ZNF704: variants seen among roughly 807,000 people sequenced by gnomAD.
The protein encoded by ZNF704 is glucocorticoid induced gene 1.
Under a neutral mutation model 44.7 loss-of-function variants are expected in ZNF704, and 10 were observed. The observed-to-expected ratio is 0.22, with a 90% CI of 0.14 to 0.38. ZNF704 has a LOEUF of 0.38. Ranked by LOEUF, ZNF704 falls within the 10% of genes least tolerant of loss-of-function variation. The pLI is 1.00. For missense variants in ZNF704, 390 were observed against 545.5 expected (o/e 0.71, Z 2.84); for synonymous variants, 211 against 207.6 (o/e 1.02, Z -0.14).
intron 2 of ZNF704, among the ~76,000 whole-genome samples, chr8:80,759,503 G>A (rs78498106): frequency 0.014 from 2,080 of 152,172 alleles, 55 homozygotes; most frequent in African/African-American, 0.047. Context: ...CAAAGGTGAC[G>A]ATGTGTCACC....
chr8:80,774,701 C>T (rs976718387), intron 2 of ZNF704, among the ~76,000 whole-genome samples: 4 of 152,162 alleles, frequency 2.6e-5, no homozygotes, highest in South Asian at 2.1e-4. Context: ...GGGTTCCCCA[C>T]GAGGCCTTTG....
chr8:80,689,623 C>T (rs1030439708), intron 3 of ZNF704, among the ~76,000 whole-genome samples: 1 of 152,164 alleles, frequency 6.6e-6, no homozygotes, highest in Non-Finnish European at 1.5e-5. Context: ...CTGTAGTATG[C>T]ATTTGTAAAA....
At chr8:80,644,127 C>G (rs951280159) in intron 7 of ZNF704, among the ~76,000 whole-genome samples, 1 of 152,194 alleles carries the variant, frequency 6.6e-6, no homozygotes, top group African/African-American at 2.4e-5. Context: ...AACGACCCCA[C>G]GCAGTATTAC....
intron 7 of ZNF704, among the ~76,000 whole-genome samples, chr8:80,657,509 A>G (rs1818034284): frequency 6.6e-6 from 1 of 152,126 alleles, no homozygotes; most frequent in African/African-American, 2.4e-5. Context: ...CCTGGGCAAC[A>G]TGGGAAACCC....
At position 80,635,224 on chromosome 8, in the gene ZNF704, T is replaced by C. The variant is rs1470721909; in HGVS notation, c.*6142A>G. 1 of 152,210 alleles carries C rather than the reference T, an allele frequency of 6.6e-6. No individual in the cohort carries two copies. The highest frequency in any genetic ancestry group is 1.5e-5 in the Non-Finnish European group (1 of 68,046). 9.4% of individuals were successfully genotyped at this position (152,210 alleles called of 1,614,324 possible). Reference sequence around the variant, plus strand: ...GGCTTGAAAAAACTGTACAGCATTATGAAATGGTTTTGGCAAAGCTCTGAA... The same window carrying C: ...GGCTTGAAAAAACTGTACAGCATTACGAAATGGTTTTGGCAAAGCTCTGAA... On this transcript the variant is annotated 3_prime_UTR_variant, in exon 9 of 9. Coordinates refer to ENST00000327835, the MANE Select transcript of ZNF704 (RefSeq NM_001033723.3).
intron 2 of ZNF704, among the ~76,000 whole-genome samples, chr8:80,742,607 G>C (rs1176559907): frequency 6.6e-6 from 1 of 152,098 alleles, no homozygotes; most frequent in East Asian, 1.9e-4. Flanking sequence ...TGTTAAGTTT[G>C]TCTCTTCCAG....
At chr8:80,719,798 A>C (rs1350870461) in intron 2 of ZNF704, among the ~76,000 whole-genome samples, 2 of 152,230 alleles carry the variant, frequency 1.3e-5, no homozygotes, top group Non-Finnish European at 2.9e-5. Flanking sequence ...TACTGAGCAC[A>C]AGAGAAATGA....
intron 1 of ZNF704, among the ~76,000 whole-genome samples, chr8:80,833,276 G>C (rs1808499844): frequency 6.6e-6 from 1 of 152,204 alleles, no homozygotes; most frequent in East Asian, 1.9e-4. Context: ...CTTGAACCTG[G>C]GAGGTGGAGG....
intron 2 of ZNF704, among the ~76,000 whole-genome samples, chr8:80,738,774 C>T (rs1484769252): frequency 1.3e-5 from 2 of 152,156 alleles, no homozygotes; most frequent in Non-Finnish European, 2.9e-5. Context: ...CCCCTGAGCA[C>T]CTGGTACACA....
chr8:80,692,896 G>T, intron 3 of ZNF704, 108 bp downstream of exon 3: 1 of 964,918 alleles, frequency 1.0e-6, no homozygotes, highest in Non-Finnish European at 1.6e-6. Context: ...CCTGCTAATG[G>T]GTGAGGGTCA....
At chr8:80,801,764 CT>C (rs1807903457) in intron 2 of ZNF704, among the ~76,000 whole-genome samples, 3 of 151,954 alleles carry the variant, frequency 2.0e-5, no homozygotes. Flanking sequence ...ACTAAAAGAA[CT>C]AGAGAACCAA....
At chr8:80,764,646 G>A (rs1487786199) in intron 2 of ZNF704, among the ~76,000 whole-genome samples, 1 of 152,154 alleles carries the variant, frequency 6.6e-6, no homozygotes, top group Non-Finnish European at 1.5e-5. Context: ...GAGAGTGGTT[G>A]TGGTCTGCAA....
intron 2 of ZNF704, among the ~76,000 whole-genome samples, chr8:80,695,614 C>T (rs1818713133): frequency 6.6e-6 from 1 of 152,102 alleles, no homozygotes; most frequent in Non-Finnish European, 1.5e-5. Context: ...TTTGATTTTC[C>T]ACACCTAAGG....
At position 80,641,493 on chromosome 8, in the gene ZNF704, G is replaced by C. The variant is rs1471698930; in HGVS notation, c.1128-16C>G. On this transcript the variant is annotated splice_polypyrimidine_tract_variant and intron_variant, in intron 8 of 8. Coordinates refer to ENST00000327835, the MANE Select transcript of ZNF704 (RefSeq NM_001033723.3). ...CCTGGGCTTCCTGTAAGACAGACGA[G>C]GAAGGTTAGTTTAGTGGGAGGAATT... is the stretch of plus-strand genomic sequence containing the variant. 4 of 1,581,678 alleles carry C rather than the reference G, an allele frequency of 2.5e-6. No individual in the cohort carries two copies. The highest frequency in any genetic ancestry group is 1.7e-4 in the Middle Eastern group (1 of 5,998).
intron 3 of ZNF704, among the ~76,000 whole-genome samples, chr8:80,690,867 G>A (rs2131635209): frequency 6.6e-6 from 1 of 152,256 alleles, no homozygotes; most frequent in South Asian, 2.1e-4. Context: ...AAATTACCTG[G>A]GTGTGGTGGC....
At chr8:80,679,669 T>C (rs58162015) in intron 4 of ZNF704, among the ~76,000 whole-genome samples, 16,528 of 152,154 alleles carry the variant, frequency 0.11, 3,040 homozygotes, top group African/African-American at 0.38. Context: ...GTCTTCTTCA[T>C]GTAAAGCAAA....
intron 1 of ZNF704, among the ~76,000 whole-genome samples, chr8:80,841,775 T>TA (rs1353234717): frequency 6.6e-6 from 1 of 152,134 alleles, no homozygotes; most frequent in Non-Finnish European, 1.5e-5. Flanking sequence ...TCAATAGGTT[T>TA]AAGTCTCTTT....
At chr8:80,655,906 T>G (rs1460052735) in intron 7 of ZNF704, among the ~76,000 whole-genome samples, 5 of 152,186 alleles carry the variant, frequency 3.3e-5, no homozygotes, top group African/African-American at 1.2e-4. Context: ...GCCTGAAGCC[T>G]CCTAGAACTT....
intron 1 of ZNF704, among the ~76,000 whole-genome samples, chr8:80,853,091 C>T (rs553936537): frequency 2.0e-5 from 3 of 152,282 alleles, no homozygotes; most frequent in Admixed American, 1.3e-4. Context: ...CTGTGAAAGG[C>T]GCATTGGCTC....
Sources: gnomAD v4.1 joint callset for allele counts (sites outside exome capture counted in the v4.1 genomes callset) on GRCh38, gnomAD v4.1.1 for gene constraint, MANE v1.5 for transcripts, NCBI Gene and HGNC (gene_info 2026-07-23, HGNC 2026-07-21) for gene names.